Variants in CA12 observed in about 807,000 individuals in gnomAD.
The protein encoded by CA12 is carbonate dehydratase XII.
A neutral mutation model predicts 46.8 loss-of-function variants in CA12; 36 were observed. That is an observed-to-expected ratio of 0.77 (90% confidence interval 0.59 to 1.02). The LOEUF (loss-of-function observed/expected upper bound fraction) is 1.02, where lower values mean the gene tolerates loss of function less well. Ranked by LOEUF, CA12 falls within the 50% of genes least tolerant of loss-of-function variation. The pLI is 0.00. For synonymous variants in CA12, 202 were observed against 187.0 expected, an observed-to-expected ratio of 1.08 and a Z score of -0.65; for missense variants, 436 against 451.4, an observed-to-expected ratio of 0.97 and a Z score of 0.31.
In CA12 at chr15:63,338,165, G is replaced by A. The variant is rs143443950; in HGVS notation, c.874+654C>T. 2.4e-3 allele frequency among the ~76,000 whole-genome samples: 358 copies of A among 152,280 alleles called. 2 individuals are homozygous for A. Among genetic ancestry groups the A allele is most frequent in the African/African-American group, 8.3e-3 (346 of 41,554 alleles). ...GGTTACAGCTGTGAAAGGGAGACCC[G>A]AGCCCTTGTAGCATTAGGAAGAAAC... On this transcript the variant is annotated intron_variant, in intron 8 of 10. Transcript: ENST00000178638.
At chr15:63,375,923 C>T (rs2039565472) in intron 1 of CA12, among the ~76,000 whole-genome samples, 1 of 151,870 alleles carries the variant, frequency 6.6e-6, no homozygotes. Context: ...AATTCTCCTG[C>T]CTCAGCCTCC....
intron 2 of CA12, among the ~76,000 whole-genome samples, chr15:63,356,114 C>T (rs113022332): frequency 0.033 from 5,093 of 152,178 alleles, 216 homozygotes; most frequent in South Asian, 0.11. Flanking sequence ...AATTGTCGGC[C>T]GGGCACGGTG....
At chr15:63,377,241 A>G (rs968066628) in intron 1 of CA12, among the ~76,000 whole-genome samples, 2 of 151,986 alleles carry the variant, frequency 1.3e-5, no homozygotes, top group African/African-American at 4.8e-5. Context: ...CAATGAGGGG[A>G]CTGTGCAACT....
intron 2 of CA12, among the ~76,000 whole-genome samples, chr15:63,361,486 A>G (rs1472807341): frequency 1.3e-5 from 2 of 152,130 alleles, no homozygotes; most frequent in African/African-American, 4.8e-5. Flanking sequence ...ACTAGCATCT[A>G]GTGGGCAGAG....
intron 8 of CA12, among the ~76,000 whole-genome samples, chr15:63,336,723 T>A (rs77257743): frequency 7.3e-5 from 1 of 13,650 alleles, no homozygotes; most frequent in Non-Finnish European, 1.9e-4. Context: ...AACCAAGGCC[T>A]GAAGAAGGGA....
chr15:63,356,751 C>T (rs1463454391), intron 2 of CA12, among the ~76,000 whole-genome samples: 3 of 152,220 alleles, frequency 2.0e-5, no homozygotes, highest in South Asian at 4.2e-4. Context: ...TCAAGTGATC[C>T]ACCCACCTTG....
chr15:63,340,154 C>T lies in CA12; in HGVS notation c.747+134G>A. The T allele has an allele frequency of 9.4e-7, 1 of 1,058,590 alleles. No homozygotes were observed. The allele number at this position is 1,058,590 out of a possible 1,614,324, so 65.6% of individuals were successfully genotyped here. A position where few individuals can be genotyped will look rare whatever the true frequency, so the allele number is the denominator to read the frequency against. ...GAATTTCTGCGGTGCTTTCAGACAC[C>T]TGTGATATTTGGAGAGGTTTTGAAG... On this transcript the variant is annotated intron_variant, in intron 7 of 10. Coordinates refer to ENST00000178638, the MANE Select transcript of CA12 (RefSeq NM_001218.5). The surrounding 1 kb of genome is among the most constrained non-coding windows in gnomAD (Gnocchi z 4.4).
At position 63,330,699 on chromosome 15, in the gene CA12, C is replaced by A. The variant is rs2038927058; in HGVS notation, c.875-2569G>T. ...GCCCCAGCAAGGGTGGGGCTTTTCT[C>A]AGGGCACATGCCCTGCGTGGTGGCT... is the stretch of plus-strand genomic sequence containing the variant. On this transcript the variant is annotated intron_variant, in intron 8 of 10. Transcript: ENST00000178638. This position sits in a 1 kb window ranked among gnomAD's most constrained non-coding sequence, Gnocchi z 4.0. 8.0e-6 allele frequency among the ~76,000 whole-genome samples: 1 copy of A among 124,580 alleles called. No homozygotes were observed. Among genetic ancestry groups the A allele is most frequent in the African/African-American group, 2.5e-5 (1 of 39,428 alleles). 81.7% of individuals were successfully genotyped at this position (124,580 alleles called of 152,430 possible).
In CA12 at chr15:63,340,103, C is replaced by T; in HGVS notation, c.747+185G>A. 1.4e-6 allele frequency: 1 copy of T among 713,926 alleles called. No individual in the cohort carries two copies. Among genetic ancestry groups the T allele is most frequent in the South Asian group, 1.7e-5 (1 of 59,566 alleles). The allele number at this position is 713,926 out of a possible 1,614,324, so 44.2% of individuals were successfully genotyped here. A position where few individuals can be genotyped will look rare whatever the true frequency, so the allele number is the denominator to read the frequency against. On this transcript the variant is annotated intron_variant, in intron 7 of 10. Coordinates refer to ENST00000178638, the MANE Select transcript of CA12 (RefSeq NM_001218.5). This position sits in a 1 kb window ranked among gnomAD's most constrained non-coding sequence, Gnocchi z 4.4. ...AGGAGACATCTATTCATTTGCCTAG[C>T]TTGACTTCTTTTGAAGCTCAGCCTG...
intron 2 of CA12, among the ~76,000 whole-genome samples, chr15:63,352,608 C>A (rs937974566): frequency 1.1e-4 from 16 of 152,206 alleles, no homozygotes; most frequent in African/African-American, 3.9e-4. Context: ...CCTGGAGAAC[C>A]TGCCTGGGCC....
Position 63,330,519 on chromosome 15 carries a change from G to T in CA12, c.875-2389C>A, listed in dbSNP as rs766689443. 3.9e-4 allele frequency among the ~76,000 whole-genome samples: 59 copies of T among 152,186 alleles called. No homozygotes were observed. The highest frequency in any genetic ancestry group is 6.8e-4 in the Non-Finnish European group (46 of 68,032). ...CCTTACCACCTGGCTAAGCCATCCA[G>T]GCTGGATGGTTTCTAAAGTCATCTC... On this transcript the variant is annotated intron_variant, in intron 8 of 10. Transcript: ENST00000178638. The surrounding 1 kb of genome is among the most constrained non-coding windows in gnomAD (Gnocchi z 4.0).
At chr15:63,376,605 T>TTTCTTTCTTTCTTTCTTTCTCTCG (rs2039580711) in intron 1 of CA12, among the ~76,000 whole-genome samples, 1 of 150,748 alleles carries the variant, frequency 6.6e-6, no homozygotes, top group Non-Finnish European at 1.5e-5. Flanking sequence ...TTTCTTTCTC[T>TTTCTTTCTTTCTTTCTTTCTCTCG]CTCTCTCGCT....
At chr15:63,381,293 A>C (rs1041705880) in intron 1 of CA12, among the ~76,000 whole-genome samples, 2 of 152,136 alleles carry the variant, frequency 1.3e-5, no homozygotes, top group Non-Finnish European at 2.9e-5. Context: ...TCATGTCTCT[A>C]CTTTCTAAAC....
At chr15:63,376,595 T>C (rs1468383844) in intron 1 of CA12, among the ~76,000 whole-genome samples, 1 of 124,988 alleles carries the variant, frequency 8.0e-6, no homozygotes, top group Non-Finnish European at 1.7e-5. Context: ...TCTTTCTTTC[T>C]TTCTTTCTCT....
Position 63,355,419 on chromosome 15 carries a change from G to A in CA12, c.107-8710C>T, listed in dbSNP as rs149008803. Among the ~76,000 whole-genome samples, 7 of 152,244 alleles carry A rather than the reference G, an allele frequency of 4.6e-5. No homozygotes were observed. Among genetic ancestry groups the A allele is most frequent in the African/African-American group, 7.2e-5 (3 of 41,520 alleles). ...GCTCCAGACAAGCATTATCATCACC[G>A]CCTAGGAACTCATTCAAAATGCAGA... On this transcript the variant is annotated intron_variant, in intron 2 of 10. Coordinates refer to ENST00000178638, the MANE Select transcript of CA12 (RefSeq NM_001218.5). This position sits in a 1 kb window ranked among gnomAD's most constrained non-coding sequence, Gnocchi z 4.1.
In CA12 at chr15:63,346,567, G is replaced by T. The variant is rs115949378; in HGVS notation, c.249C>A (p.Ala83=). The change falls in exon 3 of 11, where the codon GCC becomes GCA. Residue 83 remains alanine, a synonymous_variant. Coordinates refer to ENST00000178638, the MANE Select transcript of CA12 (RefSeq NM_001218.5). ...PLEFQGYNLS[A]NKQFLLTNNG... ...TGTTGGTCAGGAGAAACTGCTTGTT[G>T]GCAGACAGATTGTAGCCTTGGAACT... 2 of 1,613,976 alleles carry T rather than the reference G, an allele frequency of 1.2e-6. No individual in the cohort carries two copies. The highest frequency in any genetic ancestry group is 1.3e-5 in the African/African-American group (1 of 74,872).
Position 63,327,232 on chromosome 15 carries a change from G to A in CA12, c.909C>T (p.Gly303=). 6.2e-7 allele frequency: 1 copy of A among 1,612,982 alleles called. No homozygotes were observed. The highest frequency in any genetic ancestry group is 1.1e-5 in the South Asian group (1 of 90,948). Residue 303 remains glycine (G), a splice_region_variant and synonymous_variant, in exon 10 of 11, where the codon GGC becomes GGT. Coordinates refer to ENST00000178638, the MANE Select transcript of CA12 (RefSeq NM_001218.5). This position sits in a 1 kb window ranked among gnomAD's most constrained non-coding sequence, Gnocchi z 4.5. ...CAGCCAGGGCCAGTGAGAGGATGATGCCTGGTGAAGAGGTAGAGGGCACAC... is the reference window on the plus strand; with the variant it reads ...CAGCCAGGGCCAGTGAGAGGATGATACCTGGTGAAGAGGTAGAGGGCACAC... ...QVCTAAGLSL[G]IILSLALAGI...
At chr15:63,369,617 T>C (rs942738973) in intron 2 of CA12, among the ~76,000 whole-genome samples, 4 of 152,226 alleles carry the variant, frequency 2.6e-5, no homozygotes, top group Non-Finnish European at 5.9e-5. Flanking sequence ...TAGGTGATGC[T>C]AATGCTGCTG....
rs2039064394 is a variant in CA12, at chr15:63,340,474, T to C, written c.590-29A>G. On this transcript the variant is annotated intron_variant, in intron 6 of 10. Coordinates refer to ENST00000178638, the MANE Select transcript of CA12 (RefSeq NM_001218.5). The surrounding 1 kb of genome is among the most constrained non-coding windows in gnomAD (Gnocchi z 4.4). ...GAGAGACATGTTGCAGAGGTGATAG[T>C]GTCAGCCTCCCTCCGTAGGGCATAA... 2 of 1,613,812 alleles carry C rather than the reference T, an allele frequency of 1.2e-6. No homozygotes were observed. The highest frequency in any genetic ancestry group is 2.7e-5 in the African/African-American group (2 of 74,914).
Sources: allele counts gnomAD v4.1 joint callset (sites outside exome capture counted in the v4.1 genomes callset), GRCh38; gene constraint gnomAD v4.1.1; non-coding constraint Gnocchi (gnomAD v3.1); transcripts MANE v1.5; gene names NCBI Gene and HGNC (gene_info 2026-07-23, HGNC 2026-07-21).